The following FAM107A variants were observed in gnomAD, a reference collection of about 807,000 sequenced individuals.
FAM107A encodes family with sequence similarity 107 member A.
A neutral mutation model predicts 13.7 loss-of-function variants in FAM107A; 19 were observed. That is an observed-to-expected ratio of 1.38 (90% CI 0.97 to 2.03). The LOEUF is 2.03. FAM107A is among the 30% of genes most tolerant of loss of function. FAM107A has a pLI of 0.00. For synonymous variants in FAM107A, 82 were observed against 74.5 expected, an observed-to-expected ratio of 1.10 and a Z score of -0.52; for missense variants, 203 against 184.4, an observed-to-expected ratio of 1.10 and a Z score of -0.58.
chr3:58,627,118 C>A (rs1413605345), intron 1 of FAM107A: 3 of 915,722 alleles, frequency 3.3e-6, no homozygotes, highest in South Asian at 2.9e-5. Flanking sequence ...TGTCCTCTTG[C>A]GGCTCATTCT....
chr3:58,589,846 C>T (rs977281447), upstream of FAM107A, among the ~76,000 whole-genome samples: 8 of 152,174 alleles, frequency 5.3e-5, no homozygotes, highest in African/African-American at 1.4e-4. Flanking sequence ...TTGGATGACT[C>T]GCACAGTTTC....
rs1419647867 is a variant in FAM107A at position 58,606,828 on chromosome 3, T to C, written c.-69-17559A>G. ...TCAACAGACCAACCCCCACCCCCAATACCTATTTCTCCCTCCAGCCTTCAC... is the reference window on the plus strand; with the variant it reads ...TCAACAGACCAACCCCCACCCCCAACACCTATTTCTCCCTCCAGCCTTCAC... On this transcript the variant is annotated intron_variant, in intron 1 of 3. Coordinates refer to the FAM107A transcript ENST00000465970. Among the ~76,000 whole-genome samples the C allele has an allele frequency of 1.3e-5, 2 of 152,140 alleles. 1 individual carries two copies. Among genetic ancestry groups the C allele is most frequent in the South Asian group, 4.1e-4 (2 of 4,822 alleles).
chr3:58,577,262 C>T lies in FAM107A; in HGVS notation c.-6+47G>A, dbSNP rs2063738250. ...TCCTTCCCTTCCACCTCCTCCCGAACGGCACCGCTCTCAACAGCAGATGAA... is the reference window on the plus strand; with the variant it reads ...TCCTTCCCTTCCACCTCCTCCCGAATGGCACCGCTCTCAACAGCAGATGAA... On this transcript the variant is annotated intron_variant, in intron 1 of 3. Transcript: ENST00000360997. The surrounding 1 kb of genome is among the most constrained non-coding windows in gnomAD (Gnocchi z 4.9). 2 of 941,570 alleles carry T rather than the reference C, an allele frequency of 2.1e-6. No individual in the cohort carries two copies. The highest frequency in any genetic ancestry group is 4.9e-5 in the South Asian group (1 of 20,482). 58.3% of individuals were successfully genotyped at this position (941,570 alleles called of 1,614,324 possible).
chr3:58,581,601 GCCCCCCGC>G (rs1404439272), upstream of FAM107A, among the ~76,000 whole-genome samples: 1 of 151,364 alleles, frequency 6.6e-6, no homozygotes, highest in Non-Finnish European at 1.5e-5. Flanking sequence ...ATTAAACCGT[GCCCCCCGC>G]CTCTCAAACA....
In FAM107A at chr3:58,564,952, G is replaced by A. The variant is rs998229849; in HGVS notation, c.*1636C>T. 1 of 152,236 alleles carries A rather than the reference G, an allele frequency of 6.6e-6. No individual in the cohort carries two copies. Among genetic ancestry groups the A allele is most frequent in the African/African-American group, 2.4e-5 (1 of 41,438 alleles). The allele number at this position is 152,236 out of a possible 1,614,324, so 9.4% of individuals were successfully genotyped here. A position where few individuals can be genotyped will look rare whatever the true frequency, so the allele number is the denominator to read the frequency against. ...ACTTCAGTCACCCTCAAACCACCCA[G>A]TTATGAGTAAGACCAGAACAATCCC... is the stretch of plus-strand genomic sequence containing the variant. On this transcript the variant is annotated 3_prime_UTR_variant, in exon 4 of 4. Transcript: ENST00000360997. The surrounding 1 kb of genome is among the most constrained non-coding windows in gnomAD (Gnocchi z 5.6).
intron 1 of FAM107A, among the ~76,000 whole-genome samples, chr3:58,621,616 C>T (rs1454370285): frequency 6.6e-6 from 1 of 152,216 alleles, no homozygotes; most frequent in Non-Finnish European, 1.5e-5. Flanking sequence ...TCATTTAGTT[C>T]TCACACTGAT....
intron 2 of FAM107A, among the ~76,000 whole-genome samples, chr3:58,567,714 A>G (rs138188563): frequency 2.2e-3 from 334 of 152,294 alleles, no homozygotes; most frequent in African/African-American, 7.4e-3. Context: ...TGAGGTACAT[A>G]TATCTATCTG....
intron 1 of FAM107A, among the ~76,000 whole-genome samples, chr3:58,622,757 C>T (rs1340640056): frequency 6.6e-6 from 1 of 152,034 alleles, no homozygotes; most frequent in African/African-American, 2.4e-5. Flanking sequence ...AGTGGGGAGG[C>T]TGCTGGGCAG....
intron 1 of FAM107A, among the ~76,000 whole-genome samples, chr3:58,623,406 G>A (rs2106643316): frequency 6.6e-6 from 1 of 152,270 alleles, no homozygotes; most frequent in Non-Finnish European, 1.5e-5. Flanking sequence ...CCTCCAGGGG[G>A]CTATGCTGCC....
At chr3:58,584,849 C>G (rs1309411807) in intron 1 of FAM107A, among the ~76,000 whole-genome samples, 2 of 152,262 alleles carry the variant, frequency 1.3e-5, no homozygotes, top group Non-Finnish European at 2.9e-5. Flanking sequence ...CCAGAAAATT[C>G]CGTAACGGGG....
intron 1 of FAM107A, among the ~76,000 whole-genome samples, chr3:58,615,765 G>A (rs2065895657): frequency 6.6e-6 from 1 of 151,932 alleles, no homozygotes; most frequent in African/African-American, 2.4e-5. Flanking sequence ...GCATGGTGGT[G>A]TGTGCCTGTA....
At position 58,569,597 on chromosome 3, in the gene FAM107A, T is replaced by C; in HGVS notation, c.170+94A>G. 1 of 1,095,706 alleles carries C rather than the reference T, an allele frequency of 9.1e-7. No homozygotes were observed. The highest frequency in any genetic ancestry group is 1.3e-6 in the Non-Finnish European group (1 of 764,094). 67.9% of individuals were successfully genotyped at this position (1,095,706 alleles called of 1,614,324 possible). A position where few individuals can be genotyped will look rare whatever the true frequency, so the allele number is the denominator to read the frequency against. On this transcript the variant is annotated intron_variant, in intron 2 of 3. Transcript: ENST00000360997. This position sits in a 1 kb window ranked among gnomAD's most constrained non-coding sequence, Gnocchi z 5.7. ...TCCTCAGTCTCCAGGAGCCCCAGGATGAAAGCCAGCTCTGCTTTCCTCCAG... is the reference window on the plus strand; with the variant it reads ...TCCTCAGTCTCCAGGAGCCCCAGGACGAAAGCCAGCTCTGCTTTCCTCCAG...
chr3:58,568,751 C>T lies in FAM107A; in HGVS notation c.170+940G>A, dbSNP rs191889402. The stretch of plus-strand genomic sequence containing the variant: ...TCACAACCGGCTCTAATACCAGAAT[C>T]GGCCAGCAGAGGGCGCTCTGAAGGC... On this transcript the variant is annotated intron_variant, in intron 2 of 3. Transcript: ENST00000360997. 7.2e-5 allele frequency among the ~76,000 whole-genome samples: 11 copies of T among 152,338 alleles called. No individual in the cohort carries two copies. In the South Asian group the frequency reaches 1.2e-3, roughly 17 times the overall value.
chr3:58,603,382 T>C (rs949464434), intron 1 of FAM107A, among the ~76,000 whole-genome samples: 1 of 152,158 alleles, frequency 6.6e-6, no homozygotes, highest in Non-Finnish European at 1.5e-5. Flanking sequence ...GTGGCCCAAG[T>C]GGTAGGTACC....
rs186039413 is a variant in FAM107A at position 58,603,556 on chromosome 3, C to T, written c.-69-14287G>A. Among the ~76,000 whole-genome samples the T allele has an allele frequency of 2.0e-5, 3 of 152,212 alleles. No individual in the cohort carries two copies. In the East Asian group the frequency reaches 5.8e-4, roughly 29 times the overall value. ...GATGTGGGCTCAGCTGAAGTCTAGC[C>T]TCAGGGGGATGCCGTGGGAAGTCTG... On this transcript the variant is annotated intron_variant, in intron 1 of 3. Coordinates refer to the FAM107A transcript ENST00000465970.
At position 58,569,922 on chromosome 3, in the gene FAM107A, C is replaced by A; in HGVS notation, c.-5-57G>T. ...CTGAGCCTATAATCTCACCCTGCCC[C>A]ATGGGACACAGTTGAAGGGCAAGGT... On this transcript the variant is annotated intron_variant, in intron 1 of 3. Transcript: ENST00000360997. This position sits in a 1 kb window ranked among gnomAD's most constrained non-coding sequence, Gnocchi z 5.7. 6.5e-7 allele frequency: 1 copy of A among 1,543,362 alleles called. No homozygotes were observed. Among genetic ancestry groups the A allele is most frequent in the Admixed American group, 1.9e-5 (1 of 53,128 alleles).
At chr3:58,611,950 C>G (rs1441645259) in intron 1 of FAM107A, among the ~76,000 whole-genome samples, 1 of 151,958 alleles carries the variant, frequency 6.6e-6, no homozygotes, top group Non-Finnish European at 1.5e-5. Context: ...GAGTCACACA[C>G]TGCAGATTGT....
upstream of FAM107A, among the ~76,000 whole-genome samples, chr3:58,578,818 TAGA>T (rs1490871611): frequency 6.6e-6 from 1 of 152,210 alleles, no homozygotes; most frequent in African/African-American, 2.4e-5. Context: ...CTTGGTTGGC[TAGA>T]AGGTGATGAG....
At chr3:58,581,284 G>A (rs1030734981), upstream of FAM107A, among the ~76,000 whole-genome samples, 1 of 152,246 alleles carries the variant, frequency 6.6e-6, no homozygotes, top group African/African-American at 2.4e-5. Context: ...CCCAAAGGAA[G>A]GGGGACAGGG....
Sources: gnomAD v4.1 joint callset for allele counts (sites outside exome capture counted in the v4.1 genomes callset) on GRCh38, gnomAD v4.1.1 for gene constraint, Gnocchi (gnomAD v3.1) non-coding constraint, MANE v1.5 for transcripts, NCBI Gene and HGNC (gene_info 2026-07-23, HGNC 2026-07-21) for gene names.